Variants in PTCHD4 observed in about 807,000 individuals in gnomAD.
PTCHD4 encodes patched domain-containing protein 4.
PTCHD4 carries 33 observed loss-of-function variants against 58.1 expected under a neutral mutation model. The observed-to-expected ratio is 0.57, with a 90% confidence interval of 0.43 to 0.76. The LOEUF (loss-of-function observed/expected upper bound fraction) is 0.76. Among genes scored for constraint, PTCHD4 ranks in the 30% least tolerant of loss-of-function variants. PTCHD4 has a pLI of 0.00. For missense variants in PTCHD4, 1,058 were observed against 1,027.1 expected, an observed-to-expected ratio of 1.03 and a Z score of -0.41; for synonymous variants, 478 against 409.6, an observed-to-expected ratio of 1.17 and a Z score of -2.02.
chr6:47,884,307 T>C (rs1211767314), intron 4 of PTCHD4, among the ~76,000 whole-genome samples: 1 of 152,234 alleles, frequency 6.6e-6, no homozygotes, highest in Non-Finnish European at 1.5e-5. Context: ...TCTGTCTTTG[T>C]TTCTTACTTT....
At chr6:48,019,133 C>T (rs1762966880) in intron 3 of PTCHD4, among the ~76,000 whole-genome samples, 1 of 152,292 alleles carries the variant, frequency 6.6e-6, no homozygotes, top group South Asian at 2.1e-4. Context: ...GAACCTTCGG[C>T]ATTCTAGGTA....
At chr6:48,087,302 C>T (rs544498503) in intron 1 of PTCHD4, among the ~76,000 whole-genome samples, 2 of 152,268 alleles carry the variant, frequency 1.3e-5, no homozygotes, top group South Asian at 4.1e-4. Flanking sequence ...GTATTTTCAG[C>T]AGCTCCAACA....
intron 4 of PTCHD4, among the ~76,000 whole-genome samples, chr6:47,906,025 C>T (rs1764872751): frequency 6.6e-6 from 1 of 152,220 alleles, no homozygotes; most frequent in South Asian, 2.1e-4. Context: ...CTGTGCCTGG[C>T]TTCACAGTGT....
intron 3 of PTCHD4, among the ~76,000 whole-genome samples, chr6:48,039,363 A>G (rs1361525275): frequency 6.6e-6 from 1 of 152,142 alleles, no homozygotes; most frequent in Non-Finnish European, 1.5e-5. Flanking sequence ...TTTAGGATTC[A>G]ATGCTTATCT....
chr6:48,079,364 GC>G (rs778540244), intron 1 of PTCHD4, among the ~76,000 whole-genome samples: 51 of 152,100 alleles, frequency 3.4e-4, no homozygotes, highest in Non-Finnish European at 6.8e-4. Context: ...CTTTTCTTGA[GC>G]AAAAGTGGGC....
At chr6:47,933,012 G>A (rs1765876645) in intron 4 of PTCHD4, among the ~76,000 whole-genome samples, 1 of 152,160 alleles carries the variant, frequency 6.6e-6, no homozygotes, top group Non-Finnish European at 1.5e-5. Context: ...CATAATGTAG[G>A]CCACACATAC....
At chr6:47,965,699 A>C (rs1347855567) in intron 4 of PTCHD4, among the ~76,000 whole-genome samples, 2 of 152,102 alleles carry the variant, frequency 1.3e-5, no homozygotes, top group African/African-American at 4.8e-5. Flanking sequence ...GAGGCCAAGG[A>C]GGGCGGATCA....
chr6:48,057,180 G>GT (rs368272988), intron 3 of PTCHD4, among the ~76,000 whole-genome samples: 20,121 of 146,518 alleles, frequency 0.14, 1,319 homozygotes, highest in Admixed American at 0.18. Flanking sequence ...GGTTTTTTTT[G>GT]TTTTTTTTTG....
At chr6:47,892,735 G>A (rs1161486003) in intron 4 of PTCHD4, among the ~76,000 whole-genome samples, 1 of 152,246 alleles carries the variant, frequency 6.6e-6, no homozygotes, top group Non-Finnish European at 1.5e-5. Flanking sequence ...AATCTTCAAA[G>A]CTGTAGCACA....
intron 4 of PTCHD4, among the ~76,000 whole-genome samples, chr6:47,964,467 T>C (rs1178792411): frequency 6.6e-6 from 1 of 152,194 alleles, no homozygotes; most frequent in Non-Finnish European, 1.5e-5. Context: ...TCCTATTTAT[T>C]GACCAGAACC....
At chr6:48,018,430 G>A (rs906537557) in intron 3 of PTCHD4, among the ~76,000 whole-genome samples, 1 of 152,112 alleles carries the variant, frequency 6.6e-6, no homozygotes, top group Admixed American at 6.5e-5. Context: ...AAAAGGAAGG[G>A]AAAACACAAA....
chr6:48,013,242 G>C (rs1004067644), intron 3 of PTCHD4, among the ~76,000 whole-genome samples: 1 of 151,892 alleles, frequency 6.6e-6, no homozygotes, highest in Admixed American at 6.6e-5. Flanking sequence ...CTTAATTACT[G>C]CCTCAATTTC....
intron 3 of PTCHD4, among the ~76,000 whole-genome samples, chr6:48,036,768 G>C (rs1333084966): frequency 1.3e-5 from 2 of 151,932 alleles, no homozygotes; most frequent in African/African-American, 4.8e-5. Context: ...ACATGCTAAG[G>C]TCTCTAAGAT....
intron 4 of PTCHD4, among the ~76,000 whole-genome samples, chr6:47,908,592 C>A (rs1764974391): frequency 3.9e-5 from 6 of 152,136 alleles, no homozygotes; most frequent in Admixed American, 3.9e-4. Context: ...AAGTCAGTTT[C>A]CCTCATGCCA....
In PTCHD4 at chr6:47,975,194, C is replaced by T. The variant is rs16876908; in HGVS notation, c.898+33440G>A. ...CGTGCTTTGTTCATCATCATATACC[C>T]GGTGAGTAGCATCACATACTGGCTG... On this transcript the variant is annotated intron_variant, in intron 4 of 4. Coordinates refer to ENST00000339488, the MANE Select transcript of PTCHD4 (RefSeq NM_001384253.1). Among the ~76,000 whole-genome samples the T allele has an allele frequency of 8.1e-4, 124 of 152,148 alleles. 3 individuals carry two copies. In the East Asian group the frequency reaches 0.022, roughly 27 times the overall value.
At chr6:48,070,365 C>A (rs1215931695) in intron 1 of PTCHD4, among the ~76,000 whole-genome samples, 1 of 152,108 alleles carries the variant, frequency 6.6e-6, no homozygotes, top group Non-Finnish European at 1.5e-5. Context: ...TACAAACAAG[C>A]TAAAGGACTC....
intron 4 of PTCHD4, among the ~76,000 whole-genome samples, chr6:47,921,276 G>A (rs776872734): frequency 1.3e-5 from 2 of 151,798 alleles, no homozygotes; most frequent in East Asian, 3.9e-4. Context: ...TTTGTTTTAC[G>A]CTTTTGGTTA....
intron 3 of PTCHD4, among the ~76,000 whole-genome samples, chr6:48,018,905 T>A (rs967148948): frequency 5.9e-5 from 9 of 152,140 alleles, no homozygotes; most frequent in African/African-American, 1.9e-4. Context: ...CCCCCTTCAG[T>A]AGAAAGATTA....
intron 4 of PTCHD4, among the ~76,000 whole-genome samples, chr6:47,970,595 G>A (rs549893133): frequency 4.6e-5 from 7 of 152,234 alleles, no homozygotes; most frequent in African/African-American, 7.2e-5. Context: ...CCTGTGATTT[G>A]CAGGACACGG....
Sources: gnomAD v4.1 joint callset for allele counts (sites outside exome capture counted in the v4.1 genomes callset) on GRCh38, gnomAD v4.1.1 for gene constraint, MANE v1.5 for transcripts, NCBI Gene and HGNC (gene_info 2026-07-23, HGNC 2026-07-21) for gene names.